VAT1L: variants seen among roughly 807,000 people sequenced by gnomAD.
VAT1L encodes vesicle amine transport 1 like.
Under a neutral mutation model 44.1 loss-of-function variants are expected in VAT1L, and 34 were observed. The ratio of observed to expected loss-of-function variants is 0.77; its 90% CI spans 0.59 to 1.03. The LOEUF is 1.03. VAT1L is among the 50% of genes least tolerant of loss of function. VAT1L has a pLI of 0.00. For synonymous variants in VAT1L, 253 were observed against 202.2 expected, an observed-to-expected ratio of 1.25 and a Z score of -2.13; for missense variants, 615 against 538.8, an observed-to-expected ratio of 1.14 and a Z score of -1.40.
intron 7 of VAT1L, among the ~76,000 whole-genome samples, chr16:77,950,272 G>A (rs2018025887): frequency 6.6e-6 from 1 of 152,054 alleles, no homozygotes; most frequent in Non-Finnish European, 1.5e-5. Context: ...AGCCAGGTGT[G>A]GTGGTGGGTG....
At chr16:77,921,174 G>T (rs2017607765) in intron 7 of VAT1L, among the ~76,000 whole-genome samples, 1 of 152,180 alleles carries the variant, frequency 6.6e-6, no homozygotes, top group African/African-American at 2.4e-5. Flanking sequence ...GACAGGAATA[G>T]CATCATGGGG....
At chr16:77,870,836 T>C (rs74481539) in intron 4 of VAT1L, among the ~76,000 whole-genome samples, 39 of 152,280 alleles carry the variant, frequency 2.6e-4, no homozygotes, top group East Asian at 1.7e-3. Flanking sequence ...ATGATGAAGA[T>C]GGTCTTTGTT....
intron 7 of VAT1L, among the ~76,000 whole-genome samples, chr16:77,924,990 A>C (rs764670913): frequency 6.6e-6 from 1 of 152,178 alleles, no homozygotes; most frequent in African/African-American, 2.4e-5. Context: ...TCTGTCTAAT[A>C]GTGTATGCAT....
intron 7 of VAT1L, among the ~76,000 whole-genome samples, chr16:77,971,618 G>A (rs1179438079): frequency 6.6e-6 from 1 of 152,130 alleles, no homozygotes; most frequent in African/African-American, 2.4e-5. Context: ...TATTTCAAGA[G>A]CTGTCACCCT....
At chr16:77,875,481 G>C (rs2017078116) in intron 4 of VAT1L, among the ~76,000 whole-genome samples, 1 of 152,174 alleles carries the variant, frequency 6.6e-6, no homozygotes, top group African/African-American at 2.4e-5. Context: ...CCAGAATAGG[G>C]ATCTCTGTGG....
At position 77,871,945 on chromosome 16, in the gene VAT1L, T is replaced by C. The variant is rs367858406; in HGVS notation, c.723-4425T>C. Among the ~76,000 whole-genome samples, 12 of 152,210 alleles carry C rather than the reference T, an allele frequency of 7.9e-5. No homozygotes were observed. In the East Asian group the frequency reaches 1.4e-3, roughly 17 times the overall value. On this transcript the variant is annotated intron_variant, in intron 4 of 8. Coordinates refer to ENST00000302536, the MANE Select transcript of VAT1L (RefSeq NM_020927.3). ...CATGCCCTTTTCCCAACCAAAAGAC[T>C]TGAAGGTGGGGCATTTTGAAAAATG...
intron 6 of VAT1L, among the ~76,000 whole-genome samples, chr16:77,881,199 T>C (rs2142458420): frequency 6.6e-6 from 1 of 152,346 alleles, no homozygotes; most frequent in East Asian, 1.9e-4. Context: ...CAAGGGTTTA[T>C]TTTTGCCCCC....
chr16:77,844,675 C>T (rs1251343299), intron 3 of VAT1L, among the ~76,000 whole-genome samples: 1 of 152,110 alleles, frequency 6.6e-6, no homozygotes, highest in Admixed American at 6.6e-5. Context: ...TCTGAAAGTG[C>T]TGGGATTACA....
intron 7 of VAT1L, among the ~76,000 whole-genome samples, chr16:77,963,024 G>A (rs1157158882): frequency 6.6e-6 from 1 of 152,192 alleles, no homozygotes; most frequent in Admixed American, 6.5e-5. Flanking sequence ...TCGAGTAGAG[G>A]GCGCTGGATC....
chr16:77,912,391 T>C (rs1164157078), intron 7 of VAT1L, among the ~76,000 whole-genome samples: 1 of 152,096 alleles, frequency 6.6e-6, no homozygotes, highest in Non-Finnish European at 1.5e-5. Flanking sequence ...ATGTTAATAA[T>C]GGTTGAGGCT....
intron 7 of VAT1L, among the ~76,000 whole-genome samples, chr16:77,890,422 G>A (rs1198348500): frequency 3.3e-5 from 5 of 152,098 alleles, no homozygotes; most frequent in African/African-American, 1.2e-4. Flanking sequence ...GGGGATTGCT[G>A]TTGGAGAGTA....
At chr16:77,960,232 C>A (rs766138409) in intron 7 of VAT1L, among the ~76,000 whole-genome samples, 1 of 152,118 alleles carries the variant, frequency 6.6e-6, no homozygotes, top group Non-Finnish European at 1.5e-5. Flanking sequence ...GGCTTGCTTG[C>A]CACTGTCTTC....
In VAT1L at chr16:77,815,855, C is replaced by G. The variant is rs1307086677; in HGVS notation, c.234-1066C>G. Among the ~76,000 whole-genome samples, 3 of 151,594 alleles carry G rather than the reference C, an allele frequency of 2.0e-5. No homozygotes were observed. In the Admixed American group the frequency reaches 2.0e-4, roughly 10 times the overall value. On this transcript the variant is annotated intron_variant, in intron 1 of 8. Transcript: ENST00000302536. ...AGTTGGTGTGCACCTGTAATCCCAGCTACTTGGGAGGCTGAGGCAGGAGAA... is the reference window on the plus strand; with the variant it reads ...AGTTGGTGTGCACCTGTAATCCCAGGTACTTGGGAGGCTGAGGCAGGAGAA...
At chr16:77,953,747 C>T (rs1374380986) in intron 7 of VAT1L, among the ~76,000 whole-genome samples, 1 of 152,126 alleles carries the variant, frequency 6.6e-6, no homozygotes, top group Non-Finnish European at 1.5e-5. Context: ...CCTCCCACCT[C>T]GACCTCCCAA....
chr16:77,892,957 A>G (rs2017283805), intron 7 of VAT1L: 2 of 799,960 alleles, frequency 2.5e-6, no homozygotes, highest in Non-Finnish European at 2.2e-6. Context: ...AGACCATTCT[A>G]TCTGTAGCTC....
intron 3 of VAT1L, among the ~76,000 whole-genome samples, chr16:77,829,621 A>T (rs2016558170): frequency 6.6e-6 from 1 of 152,224 alleles, no homozygotes; most frequent in Non-Finnish European, 1.5e-5. Context: ...GATCTTTAGA[A>T]ACTGGTTGAA....
intron 3 of VAT1L, among the ~76,000 whole-genome samples, chr16:77,851,679 G>C (rs780074104): frequency 2.6e-5 from 4 of 151,954 alleles, no homozygotes; most frequent in Non-Finnish European, 5.9e-5. Context: ...GAGAGAGAGA[G>C]AGCAGGGCCC....
At chr16:77,908,253 A>C (rs1388167109) in intron 7 of VAT1L, among the ~76,000 whole-genome samples, 3 of 150,750 alleles carry the variant, frequency 2.0e-5, no homozygotes, top group Admixed American at 2.0e-4. Context: ...AAAAAAAAAA[A>C]GTTCAAGACC....
At chr16:77,973,957 T>C (rs1431094182) in intron 8 of VAT1L, among the ~76,000 whole-genome samples, 1 of 152,120 alleles carries the variant, frequency 6.6e-6, no homozygotes, top group African/African-American at 2.4e-5. Flanking sequence ...GACCTTGTGA[T>C]CCGCCCACCT....
Sources: gnomAD v4.1 joint callset for allele counts (sites outside exome capture counted in the v4.1 genomes callset) on GRCh38, gnomAD v4.1.1 for gene constraint, MANE v1.5 for transcripts, NCBI Gene and HGNC (gene_info 2026-07-23, HGNC 2026-07-21) for gene names.